The following SRRM2 variants were observed in gnomAD, a reference collection of about 807,000 sequenced individuals.
SRRM2 encodes serine/arginine repetitive matrix protein 2.
SRRM2 carries 30 observed loss-of-function variants against 213.8 expected under a neutral mutation model. The ratio of observed to expected loss-of-function variants is 0.14; its 90% CI spans 0.10 to 0.19. The LOEUF is 0.19. Ranked by LOEUF, SRRM2 falls within the 10% of genes least tolerant of loss-of-function variation. The pLI is 1.00. For synonymous variants in SRRM2, 2,025 were observed against 1,377.7 expected (o/e 1.47, Z -10.40); for missense variants, 4,904 against 3,647.0 (o/e 1.34, Z -8.88).
chr16:2,761,304 T>C (rs1455779694), intron 10 of SRRM2, among the ~76,000 whole-genome samples: 1 of 152,272 alleles, frequency 6.6e-6, no homozygotes, highest in Non-Finnish European at 1.5e-5. Flanking sequence ...TTTGTAGTGG[T>C]ATTTGTTAAA....
At chr16:2,760,191 G>C (rs2068289165) in intron 9 of SRRM2, 110 bp from the exon 10 acceptor site, 1 of 1,082,996 alleles carries the variant, frequency 9.2e-7, no homozygotes. Context: ...AGGCTTTTTG[G>C]AAGAGGGTTG....
rs765657474 is a variant in SRRM2, at chr16:2,767,377, C to T, written c.6849C>T (p.Asn2283=). 6.2e-6 allele frequency: 10 copies of T among 1,613,790 alleles called. No homozygotes were observed. Among genetic ancestry groups the T allele is most frequent in the Non-Finnish European group, 8.5e-6 (10 of 1,180,038 alleles). Residue 2283 remains asparagine (N), a synonymous_variant, in exon 11 of 15, where the codon AAC becomes AAT. Coordinates refer to ENST00000301740, the MANE Select transcript of SRRM2 (RefSeq NM_016333.4). ...PRTAVAPSAV[N]LADPRTPTAP... ...CAGCGGTGGCACCTTCGGCTGTGAA[C>T]CTGGCTGACCCTCGCACTCCCACAG...
At position 2,766,104 on chromosome 16, in the gene SRRM2, C is replaced by G. The variant is rs945606484; in HGVS notation, c.5576C>G (p.Ala1859Gly). ...CGTTCTCGCTCACGCACATCACCAG[C>G]CCCGTGGAAACGCTCTAGATCTCGA... Reference protein sequence around the residue: ...RKRSRSRTSPAPWKRSRSRAS... With the variant: ...RKRSRSRTSPGPWKRSRSRAS... Residue 1859 changes from alanine (A) to glycine (G), a missense_variant, in exon 11 of 15, where the codon GCC (alanine) becomes GGC (glycine). Physicochemically the swap from Ala to Gly is moderately conservative, Grantham distance 60. Transcript: ENST00000301740. This position sits in a 1 kb window ranked among gnomAD's most constrained non-coding sequence, Gnocchi z 7.0. 1.2e-6 allele frequency: 2 copies of G among 1,614,074 alleles called. No individual in the cohort carries two copies. The highest frequency in any genetic ancestry group is 3.3e-5 in the Admixed American group (2 of 60,002).
intron 2 of SRRM2, 77 bp from the exon 3 acceptor site, chr16:2,757,395 G>A: frequency 7.3e-7 from 1 of 1,374,752 alleles, no homozygotes; most frequent in Non-Finnish European, 1.0e-6. Flanking sequence ...GGCCCCTTTT[G>A]GGAATGAGGG....
intron 12 of SRRM2, chr16:2,770,059 C>T (rs2068687380): frequency 8.8e-7 from 1 of 1,136,120 alleles, no homozygotes; most frequent in South Asian, 1.6e-5. Flanking sequence ...GAGCCACGCA[C>T]ATCCAGCCCT....
intron 4 of SRRM2, 78 bp downstream of exon 4, chr16:2,758,023 G>C: frequency 6.6e-7 from 1 of 1,506,588 alleles, no homozygotes; most frequent in Non-Finnish European, 8.9e-7. Context: ...CTTTTTGCGG[G>C]CTGGTTTCTT....
At position 2,771,089 on chromosome 16, in the gene SRRM2, G is replaced by GGGGT; in HGVS notation, c.*222_*223insGGGT. The GGGGT allele has an allele frequency of 1.9e-6, 1 of 519,100 alleles. No homozygotes were observed. The highest frequency in any genetic ancestry group is 3.4e-6 in the Non-Finnish European group (1 of 290,128). 32.2% of individuals were successfully genotyped at this position (519,100 alleles called of 1,614,324 possible). ...GTTCATGTGTTCTGGGGGGTTTGGG[G>GGGGT]TGGGAGGGAATGCAGATGGGAGTTG... On this transcript the variant is annotated 3_prime_UTR_variant, in exon 15 of 15. Coordinates refer to ENST00000301740, the MANE Select transcript of SRRM2 (RefSeq NM_016333.4).
At position 2,764,095 on chromosome 16, in the gene SRRM2, C is replaced by T. The variant is rs747702260; in HGVS notation, c.3567C>T (p.Pro1189=). Residue 1189 remains proline, a synonymous_variant, in exon 11 of 15, where the codon CCC becomes CCT. Transcript: ENST00000301740. ...SPPRQKDKFS[P]FPVQDRPESS... ...CTAGACAGAAAGACAAATTTAGTCC[C>T]TTTCCAGTACAGGATAGGCCTGAGT... 5 of 1,614,020 alleles carry T rather than the reference C, an allele frequency of 3.1e-6. No homozygotes were observed. In the African/African-American group the frequency reaches 4.0e-5, roughly 13 times the overall value.
At position 2,767,704 on chromosome 16, in the gene SRRM2, T is replaced by C. The variant is rs2068591163; in HGVS notation, c.7176T>C (p.Arg2392=). The part of the protein sequence containing the change: ...SPRVPLSAYE[R]VSGRTSPPLL... ...GGGTGCCCCTTTCTGCCTACGAGCG[T>C]GTCAGTGGCAGAACCTCACCACCGC... The change falls in exon 11 of 15, where the codon CGT becomes CGC. Residue 2392 remains arginine, a synonymous_variant. Transcript: ENST00000301740. The C allele has an allele frequency of 8.7e-6, 14 of 1,613,750 alleles. No homozygotes were observed. The East Asian group carries it at 3.1e-4, about 36-fold the overall frequency.
chr16:2,758,872 A>T, intron 5 of SRRM2, 113 bp from the exon 6 acceptor site: 2 of 1,120,758 alleles, frequency 1.8e-6, no homozygotes, highest in Non-Finnish European at 2.6e-6. Flanking sequence ...CTGGGGCATT[A>T]GTGCTATTAG....
rs918787206 is a variant in SRRM2 at position 2,770,974 on chromosome 16, C to G, written c.*107C>G. 7.2e-7 allele frequency: 1 copy of G among 1,398,208 alleles called. No individual in the cohort carries two copies. The highest frequency in any genetic ancestry group is 9.9e-7 in the Non-Finnish European group (1 of 1,013,082). The allele number at this position is 1,398,208 out of a possible 1,614,324, so 86.6% of individuals were successfully genotyped here. A position where few individuals can be genotyped will look rare whatever the true frequency, so the allele number is the denominator to read the frequency against. On this transcript the variant is annotated 3_prime_UTR_variant, in exon 15 of 15. Transcript: ENST00000301740. The stretch of plus-strand genomic sequence containing the variant: ...GGTCCTTGTCTGCTCTCCTTTGAAC[C>G]TTGGCAGCCCTTGGATGGAGGGCTC...
Position 2,762,642 on chromosome 16 carries a change from G to C in SRRM2, c.2114G>C (p.Arg705Thr). 6.2e-7 allele frequency: 1 copy of C among 1,614,176 alleles called. No homozygotes were observed. Among genetic ancestry groups the C allele is most frequent in the South Asian group, 1.1e-5 (1 of 91,080 alleles). The change falls in exon 11 of 15, where the codon AGA becomes ACA. Residue 705 changes from arginine to threonine, a missense_variant. Coordinates refer to ENST00000301740, the MANE Select transcript of SRRM2 (RefSeq NM_016333.4). ...CCAAGACGAGGAAGATCCCGCAGTA[G>C]AAGCTTAGTTAGACGTGGAAGATCT... ...RTPRRGRSRS[R>T]SLVRRGRSHS...
intron 12 of SRRM2, 51 bp from the exon 13 acceptor site, chr16:2,770,301 C>T (rs758699148): frequency 1.9e-5 from 29 of 1,515,814 alleles, no homozygotes; most frequent in African/African-American, 2.8e-5. Context: ...TGAGTGCTGG[C>T]CCGTGTGCTT....
rs1596274322 is a variant in SRRM2, at chr16:2,761,657, T to C, written c.1129T>C (p.Ser377Pro). The change falls in exon 11 of 15, where the codon TCC becomes CCC. Residue 377 changes from serine (S) to proline (P), a missense_variant. Transcript: ENST00000301740. ...GCTCCTTGCTGAGCGACATGGCGGCTCCCCACAACCCCTTGCAACCACCCC... is the reference window on the plus strand; with the variant it reads ...GCTCCTTGCTGAGCGACATGGCGGCCCCCCACAACCCCTTGCAACCACCCC... The part of the protein sequence containing the change: ...TPLLAERHGG[S>P]PQPLATTPLS... 1 of 1,586,002 alleles carries C rather than the reference T, an allele frequency of 6.3e-7. No homozygotes were observed.
In SRRM2 at chr16:2,760,348, G is replaced by A. The variant is rs1439128266; in HGVS notation, c.881G>A (p.Arg294Gln). 3 of 1,614,024 alleles carry A rather than the reference G, an allele frequency of 1.9e-6. No homozygotes were observed. Among genetic ancestry groups the A allele is most frequent in the Admixed American group, 1.7e-5 (1 of 60,016 alleles). The stretch of plus-strand genomic sequence containing the variant: ...ACTCATACAACTGCCTTGGCTGGGC[G>A]AAGTCCTTCCCCTGCTTCAGGGCGA... ...AKTHTTALAG[R>Q]SPSPASGRRG... Residue 294 changes from arginine (R) to glutamine (Q), a missense_variant, in exon 10 of 15, where the codon CGA becomes CAA. Transcript: ENST00000301740.
rs776792249 is a variant in SRRM2 at position 2,769,230 on chromosome 16, C to A, written c.7967C>A (p.Pro2656His). The A allele has an allele frequency of 8.8e-6, 14 of 1,591,314 alleles. No homozygotes were observed. Among genetic ancestry groups the A allele is most frequent in the Middle Eastern group, 1.7e-4 (1 of 5,936 alleles). The change falls in exon 12 of 15, where the codon CCT becomes CAT. Residue 2656 changes from proline (P) to histidine (H), a missense_variant. By Grantham distance (77) the Pro-to-His change is moderately conservative (BLOSUM62 -2). Transcript: ENST00000301740. ...TCCCCTTCCCCTGCTAAGCCTGGCC[C>A]TCAGGCCTTGCCCAAACCTGCAAGC... ...SSSPSPAKPG[P>H]QALPKPASPK...
Position 2,762,645 on chromosome 16 carries a change from G to A in SRRM2, c.2117G>A (p.Ser706Asn), listed in dbSNP as rs780893076. ...TPRRGRSRSR[S>N]LVRRGRSHSR... Reference sequence around the variant, plus strand: ...AGACGAGGAAGATCCCGCAGTAGAAGCTTAGTTAGACGTGGAAGATCTCAC... The same window carrying A: ...AGACGAGGAAGATCCCGCAGTAGAAACTTAGTTAGACGTGGAAGATCTCAC... Residue 706 changes from serine (S) to asparagine (N), a missense_variant, in exon 11 of 15, where the codon AGC becomes AAC. By Grantham distance (46) the Ser-to-Asn change is conservative (BLOSUM62 1). Transcript: ENST00000301740. 1.2e-6 allele frequency: 2 copies of A among 1,614,154 alleles called. No individual in the cohort carries two copies. Among genetic ancestry groups the A allele is most frequent in the Non-Finnish European group, 8.5e-7 (1 of 1,180,022 alleles).
At position 2,768,278 on chromosome 16, in the gene SRRM2, T is replaced by G. The variant is rs763259092; in HGVS notation, c.7733+17T>G. ...ACTGAAGAGGTGAGGGAGCTTGACT[T>G]TTAGAAATCTTCAGTGGGGGAGGTA... On this transcript the variant is annotated intron_variant, in intron 11 of 14. Coordinates refer to ENST00000301740, the MANE Select transcript of SRRM2 (RefSeq NM_016333.4). 16 of 1,525,356 alleles carry G rather than the reference T, an allele frequency of 1.0e-5. No homozygotes were observed. The highest frequency in any genetic ancestry group is 1.4e-5 in the Non-Finnish European group (16 of 1,140,338). The allele number at this position is 1,525,356 out of a possible 1,614,324, so 94.5% of individuals were successfully genotyped here. A position where few individuals can be genotyped will look rare whatever the true frequency, so the allele number is the denominator to read the frequency against.
At chr16:2,752,941 C>T (rs538913492) in intron 1 of SRRM2, 95 bp downstream of exon 1, 320 of 155,384 alleles carry the variant, frequency 2.1e-3, no homozygotes, top group Middle Eastern at 0.017. Flanking sequence ...GGCCGCCGAG[C>T]TCCTCCGCGC....
Sources: gnomAD v4.1 joint callset for allele counts (sites outside exome capture counted in the v4.1 genomes callset) on GRCh38, gnomAD v4.1.1 for gene constraint, Gnocchi (gnomAD v3.1) non-coding constraint, MANE v1.5 for transcripts, NCBI Gene and HGNC (gene_info 2026-07-23, HGNC 2026-07-21) for gene names.